Variants in PCDHA6 observed in about 807,000 individuals in gnomAD.
PCDHA6 encodes protocadherin alpha 6, also known as protocadherin alpha-6.
A neutral mutation model predicts 60.3 loss-of-function variants in PCDHA6; 55 were observed. The ratio of observed to expected loss-of-function variants is 0.91; its 90% confidence interval spans 0.73 to 1.14. The LOEUF is 1.14. Ranked by LOEUF, PCDHA6 falls within the 50% of genes most tolerant of loss-of-function variation. The pLI is 0.00. For missense variants in PCDHA6, 1,327 were observed against 1,256.5 expected (o/e 1.06, Z -0.85); for synonymous variants, 652 against 557.9 (o/e 1.17, Z -2.38).
rs185216314 is a variant in PCDHA6, at chr5:140,968,202, A to G, written c.2395-10747A>G. On this transcript the variant is annotated intron_variant, in intron 1 of 3. Transcript: ENST00000529310. ...GAGGACTCCTATTCCATCTACATACAGGAGAACAATTTGCCAGGTGTGTTG... is the reference window on the plus strand; with the variant it reads ...GAGGACTCCTATTCCATCTACATACGGGAGAACAATTTGCCAGGTGTGTTG... The G allele has an allele frequency of 3.7e-5, 60 of 1,614,044 alleles. 1 individual carries two copies. The East Asian group carries it at 1.1e-3, about 29-fold the overall frequency.
chr5:140,970,210 C>G (rs184537292), intron 1 of PCDHA6, among the ~76,000 whole-genome samples: 1 of 152,190 alleles, frequency 6.6e-6, no homozygotes, highest in Non-Finnish European at 1.5e-5. Context: ...CTGAATTTAG[C>G]TTAAATGCAG....
chr5:140,975,759 A>G (rs1420459945), intron 1 of PCDHA6, among the ~76,000 whole-genome samples: 1 of 152,248 alleles, frequency 6.6e-6, no homozygotes, highest in Non-Finnish European at 1.5e-5. Context: ...TCTATGTCAT[A>G]AATCACAGAT....
At chr5:140,876,456 T>C (rs2056356318) in intron 1 of PCDHA6, 11 of 1,613,932 alleles carry the variant, frequency 6.8e-6, no homozygotes, top group Non-Finnish European at 8.5e-6. Context: ...AAGGGATTCC[T>C]TCCATGGCAG....
At chr5:140,928,669 A>C in intron 1 of PCDHA6, 1 of 1,614,160 alleles carries the variant, frequency 6.2e-7, no homozygotes, top group Non-Finnish European at 8.5e-7. Flanking sequence ...CAGTGGTTCT[A>C]ATGCCTGGCT....
intron 1 of PCDHA6, among the ~76,000 whole-genome samples, chr5:140,934,646 T>C (rs1554210032): frequency 6.6e-6 from 1 of 152,116 alleles, no homozygotes; most frequent in African/African-American, 2.4e-5. Flanking sequence ...GCAGGATAAA[T>C]GTTTGATTCT....
intron 1 of PCDHA6, among the ~76,000 whole-genome samples, chr5:140,911,947 G>A (rs559007219): frequency 1.4e-4 from 22 of 152,262 alleles, no homozygotes; most frequent in Non-Finnish European, 2.5e-4. Context: ...TATATATAAA[G>A]GGGAGGTTAC....
intron 1 of PCDHA6, among the ~76,000 whole-genome samples, chr5:140,946,167 T>C (rs2153672434): frequency 6.6e-6 from 1 of 151,842 alleles, no homozygotes; most frequent in South Asian, 2.1e-4. Context: ...AAAAGATGGG[T>C]AAAGGATGTG....
chr5:140,995,265 G>A (rs1293855932), intron 3 of PCDHA6, among the ~76,000 whole-genome samples: 1 of 152,102 alleles, frequency 6.6e-6, no homozygotes, highest in African/African-American at 2.4e-5. Context: ...TTGAATACAA[G>A]CCCTTTGATA....
At chr5:140,968,776 A>G (rs1346540500) in intron 1 of PCDHA6, 4 of 1,614,082 alleles carry the variant, frequency 2.5e-6, no homozygotes, top group Admixed American at 3.3e-5. Context: ...AGCCATCACT[A>G]TCAGCCTCTG....
At chr5:140,958,344 T>A (rs1247122967) in intron 1 of PCDHA6, among the ~76,000 whole-genome samples, 2 of 152,128 alleles carry the variant, frequency 1.3e-5, no homozygotes, top group African/African-American at 4.8e-5. Context: ...CACAGGAAGT[T>A]CACAGTCTGA....
rs976941925 is a variant in PCDHA6, at chr5:140,854,525, C to T, written c.2394+24040C>T. 1.3e-5 allele frequency: 2 copies of T among 149,636 alleles called. 1 individual carries two copies. The highest frequency in any genetic ancestry group is 4.9e-5 in the African/African-American group (2 of 40,820). 9.3% of individuals were successfully genotyped at this position (149,636 alleles called of 1,614,324 possible). A position where few individuals can be genotyped will look rare whatever the true frequency, so the allele number is the denominator to read the frequency against. On this transcript the variant is annotated intron_variant, in intron 1 of 3. Transcript: ENST00000529310. ...CATAAACTGATGGATTAAGTGACAC[C>T]CATTTCTGTCAGTTTTCTTATTCAT...
At chr5:141,007,395 C>CAAAAAAAAAAAAA (rs35800918) in intron 3 of PCDHA6, among the ~76,000 whole-genome samples, 1 of 94,866 alleles carries the variant, frequency 1.1e-5, no homozygotes. Flanking sequence ...TACTAAAATA[C>CAAAAAAAAAAAAA]AAAAAAAAAA....
At chr5:140,830,563 TTC>T (rs1554132929) in intron 1 of PCDHA6, 78 bp downstream of exon 1, 10 of 991,784 alleles carry the variant, frequency 1.0e-5, no homozygotes, top group African/African-American at 1.7e-5. Context: ...TCTTCTATAT[TTC>T]TGTTTTTAAT....
At chr5:140,834,321 A>G in intron 1 of PCDHA6, 1 of 1,440,210 alleles carries the variant, frequency 6.9e-7, no homozygotes, top group African/African-American at 1.4e-5. Context: ...TGAAGGGATA[A>G]AAACATTCCT....
chr5:141,006,282 G>A (rs2098265578), intron 3 of PCDHA6, among the ~76,000 whole-genome samples: 1 of 151,970 alleles, frequency 6.6e-6, no homozygotes, highest in Non-Finnish European at 1.5e-5. Context: ...CACGATCTCA[G>A]CTCACTGCAA....
chr5:140,829,503 G>A lies in PCDHA6; in HGVS notation c.1412G>A (p.Gly471Asp), dbSNP rs2150169106. 5 of 1,613,554 alleles carry A rather than the reference G, an allele frequency of 3.1e-6. No homozygotes were observed. Among genetic ancestry groups the A allele is most frequent in the Middle Eastern group, 1.8e-4 (1 of 5,650 alleles). ...TVFVKENNPP[G>D]CHIFTVSARD... ...TTCGTGAAGGAGAACAACCCGCCGG[G>A]CTGCCACATCTTCACGGTGTCTGCG... Residue 471 changes from glycine (G) to aspartate (D), a missense_variant, in exon 1 of 4, where the codon GGC (glycine) becomes GAC (aspartate). By Grantham distance (94) the Gly-to-Asp change is moderately conservative. Transcript: ENST00000529310.
At position 140,829,175 on chromosome 5, in the gene PCDHA6, G is replaced by C; in HGVS notation, c.1084G>C (p.Asp362His). ...LTSLSLPVRE[D>H]AQFGTVIALI... ...TTCCTTATCCTTGCCTGTACGTGAA[G>C]ACGCTCAATTTGGTACTGTCATCGC... Residue 362 changes from aspartate (D) to histidine (H), a missense_variant, in exon 1 of 4, where the codon GAC (aspartate) becomes CAC (histidine). By Grantham distance (81) the Asp-to-His change is moderately conservative. Transcript: ENST00000529310. 1 of 1,614,160 alleles carries C rather than the reference G, an allele frequency of 6.2e-7. No individual in the cohort carries two copies. Among genetic ancestry groups the C allele is most frequent in the Non-Finnish European group, 8.5e-7 (1 of 1,179,984 alleles).
chr5:140,882,836 T>C (rs782210486), intron 1 of PCDHA6: 1 of 1,614,226 alleles, frequency 6.2e-7, no homozygotes, highest in South Asian at 1.1e-5. Flanking sequence ...TGAGCAAATG[T>C]CTTCATTATC....
At chr5:141,009,169 C>T (rs782079623) in intron 3 of PCDHA6, among the ~76,000 whole-genome samples, 13 of 152,186 alleles carry the variant, frequency 8.5e-5, no homozygotes, top group Non-Finnish European at 1.3e-4. Flanking sequence ...TAAATACTGG[C>T]CTTGGCTGGG....
Sources: gnomAD v4.1 joint callset for allele counts (sites outside exome capture counted in the v4.1 genomes callset) on GRCh38, gnomAD v4.1.1 for gene constraint, MANE v1.5 for transcripts, NCBI Gene and HGNC (gene_info 2026-07-23, HGNC 2026-07-21) for gene names.